SLC7A1: variants seen among roughly 807,000 people sequenced by gnomAD.
The protein encoded by SLC7A1 is solute carrier family 7 member 1, also known as high affinity cationic amino acid transporter 1.
Under a neutral mutation model 53.9 loss-of-function variants are expected in SLC7A1, and 10 were observed. The observed-to-expected ratio is 0.19, with a 90% CI of 0.11 to 0.31. SLC7A1 has a LOEUF of 0.31. SLC7A1 is among the 10% of genes least tolerant of loss of function. SLC7A1 has a pLI of 1.00. For synonymous variants in SLC7A1, 342 were observed against 338.7 expected, an observed-to-expected ratio of 1.01 and a Z score of -0.11; for missense variants, 525 against 827.2, an observed-to-expected ratio of 0.63 and a Z score of 4.48.
chr13:29,576,293 T>TTTTAAAAAAAAAAAAAAAA (rs552407983), intron 1 of SLC7A1, among the ~76,000 whole-genome samples: 2 of 124,964 alleles, frequency 1.6e-5, no homozygotes, highest in African/African-American at 7.3e-5. Flanking sequence ...TCCTGTTTTT[T>TTTTAAAAAAAAAAAAAAAA]AAAAAAAAAA....
chr13:29,592,008 A>G (rs368223176), intron 1 of SLC7A1, among the ~76,000 whole-genome samples: 1 of 152,212 alleles, frequency 6.6e-6, no homozygotes, highest in East Asian at 1.9e-4. Context: ...GGCTCTCCCA[A>G]TATACAGATG....
intron 1 of SLC7A1, among the ~76,000 whole-genome samples, chr13:29,592,158 C>G (rs1374348036): frequency 1.3e-5 from 2 of 152,196 alleles, no homozygotes; most frequent in Non-Finnish European, 2.9e-5. Context: ...GATAATCATC[C>G]CATTCTGCAT....
chr13:29,556,402 G>T (rs541489270), intron 1 of SLC7A1, among the ~76,000 whole-genome samples: 4 of 151,710 alleles, frequency 2.6e-5, no homozygotes, highest in East Asian at 3.9e-4. Flanking sequence ...TTTAGACAGG[G>T]TCTCACTCTG....
At chr13:29,522,856 G>C (rs1382897650) in intron 7 of SLC7A1, among the ~76,000 whole-genome samples, 1 of 152,166 alleles carries the variant, frequency 6.6e-6, no homozygotes, top group Non-Finnish European at 1.5e-5. Flanking sequence ...GTTTATACAG[G>C]CTAAGAGGAA....
intron 1 of SLC7A1, among the ~76,000 whole-genome samples, chr13:29,567,685 C>T (rs900683974): frequency 2.0e-5 from 3 of 152,240 alleles, no homozygotes; most frequent in East Asian, 1.9e-4. Flanking sequence ...GGATGCAACC[C>T]GGACAGTGCG....
At chr13:29,593,405 T>C (rs1872186274) in intron 1 of SLC7A1, among the ~76,000 whole-genome samples, 1 of 152,212 alleles carries the variant, frequency 6.6e-6, no homozygotes, top group Non-Finnish European at 1.5e-5. Flanking sequence ...GGTGGAGTGA[T>C]AGGCATCTCT....
chr13:29,585,551 C>A (rs1273724632), intron 1 of SLC7A1, among the ~76,000 whole-genome samples: 3 of 152,168 alleles, frequency 2.0e-5, no homozygotes, highest in Middle Eastern at 3.4e-3. Flanking sequence ...TTGTAGACTG[C>A]GGTCAAAGAA....
intron 2 of SLC7A1, among the ~76,000 whole-genome samples, chr13:29,540,220 G>A (rs1299471628): frequency 6.6e-6 from 1 of 152,176 alleles, no homozygotes. Flanking sequence ...AATACTTTGA[G>A]AGCATCACCT....
In SLC7A1 at chr13:29,536,041, C is replaced by G; in HGVS notation, c.148G>C (p.Val50Leu). The G allele has an allele frequency of 6.2e-7, 1 of 1,614,060 alleles. No homozygotes were observed. The highest frequency in any genetic ancestry group is 8.5e-7 in the Non-Finnish European group (1 of 1,180,040). Residue 50 changes from valine to leucine, a missense_variant, in exon 3 of 13, where the codon GTC becomes CTC. Transcript: ENST00000380752. ...GCCACAGCTCCAGCCAGGACGTAGA[C>G]ACCAGCACCCAGTGTGCTGCCCACC... ...LGVGSTLGAGVYVLAGAVARE... is the reference protein window; with the variant it reads ...LGVGSTLGAGLYVLAGAVARE...
At chr13:29,563,319 C>A (rs776789721) in intron 1 of SLC7A1, among the ~76,000 whole-genome samples, 1 of 152,246 alleles carries the variant, frequency 6.6e-6, no homozygotes, top group Non-Finnish European at 1.5e-5. Context: ...GCCTGCCTTA[C>A]CGTGTGCAAC....
chr13:29,543,031 C>G (rs537323680), intron 2 of SLC7A1, among the ~76,000 whole-genome samples: 1 of 152,294 alleles, frequency 6.6e-6, no homozygotes, highest in South Asian at 2.1e-4. Context: ...TGATCCCATG[C>G]CTGTTATGTG....
chr13:29,570,802 G>T (rs1235793115), intron 1 of SLC7A1, among the ~76,000 whole-genome samples: 1 of 151,166 alleles, frequency 6.6e-6, no homozygotes, highest in Non-Finnish European at 1.5e-5. Flanking sequence ...AGGTGGCAGT[G>T]AGCCATGATC....
At chr13:29,566,884 G>GT in intron 1 of SLC7A1, among the ~76,000 whole-genome samples, 1 of 152,290 alleles carries the variant, frequency 6.6e-6, no homozygotes, top group East Asian at 1.9e-4. Context: ...TTCAAGTTCG[G>GT]TTGCTAAGGC....
At chr13:29,529,012 G>A (rs150797830) in intron 5 of SLC7A1, among the ~76,000 whole-genome samples, 315 of 152,238 alleles carry the variant, frequency 2.1e-3, no homozygotes, top group Middle Eastern at 3.4e-3. Context: ...ACTAGCAACC[G>A]GTCGAATATG....
rs1402149782 is a variant in SLC7A1, at chr13:29,524,367, C to T, written c.705-114G>A. On this transcript the variant is annotated intron_variant, in intron 5 of 12. Coordinates refer to ENST00000380752, the MANE Select transcript of SLC7A1 (RefSeq NM_003045.5). ...CCTGGCAGTCAGCCCTCCCTGTTAC[C>T]GCTGCCAGGCCCTGGGCTTCAGACG... The T allele has an allele frequency of 3.1e-5, 42 of 1,339,726 alleles. No individual in the cohort carries two copies. In the East Asian group the frequency reaches 4.1e-4, roughly 13 times the overall value. The allele number at this position is 1,339,726 out of a possible 1,614,324, so 83.0% of individuals were successfully genotyped here.
chr13:29,534,467 T>G (rs9579394), intron 3 of SLC7A1, among the ~76,000 whole-genome samples: 10,613 of 152,304 alleles, frequency 0.07, 458 homozygotes, highest in Middle Eastern at 0.14. Flanking sequence ...TGATGTGGCA[T>G]TGAAAGAAAA....
chr13:29,583,242 C>G (rs1319721810), intron 1 of SLC7A1, among the ~76,000 whole-genome samples: 1 of 152,200 alleles, frequency 6.6e-6, no homozygotes, highest in African/African-American at 2.4e-5. Flanking sequence ...TCAAGGAAGT[C>G]TAGGAACAAG....
At chr13:29,560,437 C>CATATATACATA (rs1479983464) in intron 1 of SLC7A1, among the ~76,000 whole-genome samples, 1 of 150,654 alleles carries the variant, frequency 6.6e-6, no homozygotes, top group Non-Finnish European at 1.5e-5. Context: ...CTAGTATTTA[C>CATATATACATA]ATATATACAT....
chr13:29,537,554 C>T (rs1460014905), intron 2 of SLC7A1, among the ~76,000 whole-genome samples: 1 of 152,168 alleles, frequency 6.6e-6, no homozygotes, highest in Non-Finnish European at 1.5e-5. Context: ...ATATGGATGT[C>T]AGTTAGTGAC....
Sources: allele counts gnomAD v4.1 joint callset (sites outside exome capture counted in the v4.1 genomes callset), GRCh38; gene constraint gnomAD v4.1.1; transcripts MANE v1.5; gene names NCBI Gene and HGNC (gene_info 2026-07-23, HGNC 2026-07-21).